The following DLG2 variants were observed in gnomAD, a reference collection of about 807,000 sequenced individuals.
DLG2 encodes disks large homolog 2.
DLG2 carries 45 observed loss-of-function variants against 132.5 expected under a neutral mutation model. That is an observed-to-expected ratio of 0.34 (90% confidence interval 0.27 to 0.44). The LOEUF (loss-of-function observed/expected upper bound fraction) is 0.44. Among genes scored for constraint, DLG2 ranks in the 20% least tolerant of loss-of-function variants. The probability of loss-of-function intolerance (pLI) is 1.00; values close to 1 mark genes in which losing one functional copy is unlikely to be tolerated. For missense variants in DLG2, 1,045 were observed against 1,196.9 expected, an observed-to-expected ratio of 0.87 and a Z score of 1.87; for synonymous variants, 424 against 419.6, an observed-to-expected ratio of 1.01 and a Z score of -0.13.
chr11:83,547,760 T>C (rs1479308411), intron 19 of DLG2, among the ~76,000 whole-genome samples: 1 of 152,148 alleles, frequency 6.6e-6, no homozygotes, highest in Non-Finnish European at 1.5e-5. Context: ...AAATTTGTGT[T>C]GTTTTAAGTC....
chr11:83,477,021 C>T (rs1465899106), intron 22 of DLG2, among the ~76,000 whole-genome samples: 5 of 152,034 alleles, frequency 3.3e-5, no homozygotes, highest in Non-Finnish European at 7.4e-5. Flanking sequence ...GATCTCAACA[C>T]GTTAGTTTCA....
chr11:84,954,655 C>T (rs1269427607), intron 6 of DLG2, among the ~76,000 whole-genome samples: 2 of 152,276 alleles, frequency 1.3e-5, no homozygotes, highest in Middle Eastern at 3.4e-3. Flanking sequence ...TAGTCATACT[C>T]CAAACACTGG....
chr11:83,682,108 T>C, intron 18 of DLG2: 1 of 985,056 alleles, frequency 1.0e-6, no homozygotes, highest in Non-Finnish European at 1.2e-6. Flanking sequence ...ATGGGTACGT[T>C]TGCCAAGCTT....
At chr11:83,946,843 C>T (rs1360377146) in intron 14 of DLG2, among the ~76,000 whole-genome samples, 1 of 152,152 alleles carries the variant, frequency 6.6e-6, no homozygotes, top group Non-Finnish European at 1.5e-5. Flanking sequence ...ATAGCCCTAC[C>T]TTGCTTTAGT....
At chr11:85,300,044 T>C (rs1258525709) in intron 3 of DLG2, among the ~76,000 whole-genome samples, 1 of 152,222 alleles carries the variant, frequency 6.6e-6, no homozygotes, top group Non-Finnish European at 1.5e-5. Flanking sequence ...CATTCACTCA[T>C]TTCTTCAACA....
chr11:85,485,768 C>G (rs2093415998), intron 3 of DLG2, among the ~76,000 whole-genome samples: 2 of 152,152 alleles, frequency 1.3e-5, no homozygotes, highest in African/African-American at 2.4e-5. Flanking sequence ...GAGACTGTAC[C>G]AAGATGTCGC....
At chr11:83,701,914 G>A (rs2083021122) in intron 18 of DLG2, among the ~76,000 whole-genome samples, 2 of 152,198 alleles carry the variant, frequency 1.3e-5, no homozygotes, top group Admixed American at 1.3e-4. Flanking sequence ...GTAATTTGGT[G>A]TTCAACAAAT....
chr11:84,348,760 C>T (rs967964789), intron 7 of DLG2, among the ~76,000 whole-genome samples: 8 of 152,128 alleles, frequency 5.3e-5, no homozygotes, highest in Admixed American at 2.6e-4. Flanking sequence ...AAAATAACTG[C>T]TGTCCTTAAA....
At chr11:83,855,910 G>A (rs977144931) in intron 16 of DLG2, among the ~76,000 whole-genome samples, 5 of 152,222 alleles carry the variant, frequency 3.3e-5, no homozygotes, top group East Asian at 1.9e-4. Flanking sequence ...TTGAAGGTTT[G>A]TTGTACAGGT....
intron 2 of DLG2, among the ~76,000 whole-genome samples, chr11:85,620,883 A>G (rs140242847): frequency 3.3e-4 from 51 of 152,404 alleles, no homozygotes; most frequent in Middle Eastern, 3.4e-3. Context: ...TCTAGCTGAG[A>G]TAATTGATGA....
At chr11:85,461,320 G>A (rs2092604686) in intron 3 of DLG2, among the ~76,000 whole-genome samples, 2 of 152,334 alleles carry the variant, frequency 1.3e-5, no homozygotes, top group African/African-American at 4.8e-5. Flanking sequence ...ATAGAAGAGA[G>A]AAAAGAATAC....
intron 3 of DLG2, among the ~76,000 whole-genome samples, chr11:85,581,349 A>G (rs1457827176): frequency 6.6e-6 from 1 of 152,100 alleles, no homozygotes; most frequent in Non-Finnish European, 1.5e-5. Context: ...ACAGTGGCTC[A>G]TGCCTGTAAT....
chr11:85,035,756 C>T (rs2061384035), intron 6 of DLG2, among the ~76,000 whole-genome samples: 1 of 152,158 alleles, frequency 6.6e-6, no homozygotes, highest in African/African-American at 2.4e-5. Context: ...AAAATGATCA[C>T]CATCATAGAA....
At chr11:83,724,470 T>A (rs2089509008) in intron 18 of DLG2, among the ~76,000 whole-genome samples, 1 of 99,486 alleles carries the variant, frequency 1.0e-5, no homozygotes, top group Non-Finnish European at 2.1e-5. Flanking sequence ...TGTGTGTGTG[T>A]GTGTGTGAGA....
At chr11:84,451,899 C>G (rs1048600865) in intron 7 of DLG2, among the ~76,000 whole-genome samples, 5 of 151,316 alleles carry the variant, frequency 3.3e-5, no homozygotes, top group African/African-American at 1.2e-4. Context: ...TGACAGCAAG[C>G]CAGGAAGATA....
intron 4 of DLG2, among the ~76,000 whole-genome samples, chr11:85,280,867 TA>T (rs1282822930): frequency 1.3e-5 from 2 of 151,774 alleles, no homozygotes; most frequent in Admixed American, 6.6e-5. Flanking sequence ...AAAATGTTTT[TA>T]AAAAGGTCAT....
At chr11:84,384,790 A>T (rs1446597660) in intron 7 of DLG2, among the ~76,000 whole-genome samples, 1 of 151,984 alleles carries the variant, frequency 6.6e-6, no homozygotes, top group Non-Finnish European at 1.5e-5. Context: ...CTGGGTGCTG[A>T]TTTTCCTCTA....
Position 84,550,615 on chromosome 11 carries a change from C to A in DLG2, c.358-15884G>T, listed in dbSNP as rs1377458455. Reference sequence around the variant, plus strand: ...GATGAGATCAGTTACCCACCTGAACCTAGAATATCTCCTGGATGATCTCCA... The same window carrying A: ...GATGAGATCAGTTACCCACCTGAACATAGAATATCTCCTGGATGATCTCCA... On this transcript the variant is annotated intron_variant, in intron 6 of 27. Coordinates refer to ENST00000376104, the MANE Select transcript of DLG2 (RefSeq NM_001142699.3). Among the ~76,000 whole-genome samples, 4 of 152,156 alleles carry A rather than the reference C, an allele frequency of 2.6e-5. 1 individual carries two copies. Among genetic ancestry groups the A allele is most frequent in the African/African-American group, 9.7e-5 (4 of 41,440 alleles).
rs1241147408 is a variant in DLG2, at chr11:84,287,626, CTCTGTT to C, written c.520-36341_520-36336del. ...ATGTTTTAGTCAGTGTTGCGTAAGT[CTCTGTT>C]TCTATCTCTCTCTCCTTCTTTACCT... On this transcript the variant is annotated intron_variant, in intron 7 of 27. Coordinates refer to ENST00000376104, the MANE Select transcript of DLG2 (RefSeq NM_001142699.3). 4.6e-5 allele frequency among the ~76,000 whole-genome samples: 7 copies of C among 151,896 alleles called. No homozygotes were observed. The East Asian group carries it at 1.4e-3, about 29-fold the overall frequency.
Sources: allele counts gnomAD v4.1 joint callset (sites outside exome capture counted in the v4.1 genomes callset), GRCh38; gene constraint gnomAD v4.1.1; transcripts MANE v1.5; gene names NCBI Gene and HGNC (gene_info 2026-07-23, HGNC 2026-07-21).